Variants in OR51E2 observed in about 807,000 individuals in gnomAD.
OR51E2 encodes olfactory receptor family 51 subfamily E member 2, also known as olfactory receptor 51E2.
A neutral mutation model predicts 13.7 loss-of-function variants in OR51E2; 14 were observed. That is an observed-to-expected ratio of 1.02 (90% CI 0.68 to 1.60). OR51E2 has a LOEUF of 1.60. OR51E2 is among the 40% of genes most tolerant of loss of function. The pLI, the probability that OR51E2 is intolerant of heterozygous loss-of-function variation, is 0.00. For synonymous variants in OR51E2, 180 were observed against 157.6 expected, an observed-to-expected ratio of 1.14 and a Z score of -1.07; for missense variants, 483 against 413.8, an observed-to-expected ratio of 1.17 and a Z score of -1.45.
intron 1 of OR51E2, among the ~76,000 whole-genome samples, chr11:4,696,451 T>C (rs1847657864): frequency 6.6e-6 from 1 of 152,136 alleles, no homozygotes; most frequent in South Asian, 2.1e-4. Flanking sequence ...ACTCCTGAAA[T>C]GTAAAAGATG....
Position 4,681,866 on chromosome 11 carries a change from C to T in OR51E2, c.846G>A (p.Leu282=), listed in dbSNP as rs753571570. 6.2e-7 allele frequency: 1 copy of T among 1,614,106 alleles called. No individual in the cohort carries two copies. Reference sequence around the variant, plus strand: ...AGATGATGGGATTGATGACAGGAGGCAGCAGCAGGTAGATGTCACCCATGA... The same window carrying T: ...AGATGATGGGATTGATGACAGGAGGTAGCAGCAGGTAGATGTCACCCATGA... ...RVVMGDIYLL[L]PPVINPIIYG... The change falls in exon 2 of 2, where the codon CTG becomes CTA. Residue 282 remains leucine (L), a synonymous_variant. Transcript: ENST00000396950.
chr11:4,695,776 GT>G (rs34082897), intron 1 of OR51E2, among the ~76,000 whole-genome samples: 108,128 of 150,598 alleles, frequency 0.72, 39,248 homozygotes, highest in East Asian at 0.96. Flanking sequence ...ATTCTGTGAG[GT>G]TTTTTTTTTT....
At chr11:4,695,825 A>C (rs1399812000) in intron 1 of OR51E2, among the ~76,000 whole-genome samples, 1 of 151,874 alleles carries the variant, frequency 6.6e-6, no homozygotes, top group East Asian at 1.9e-4. Context: ...TCTGCCTTAT[A>C]AATTGTGGGA....
At chr11:4,695,363 C>G (rs1384484941) in intron 1 of OR51E2, among the ~76,000 whole-genome samples, 2 of 152,158 alleles carry the variant, frequency 1.3e-5, no homozygotes, top group Non-Finnish European at 2.9e-5. Flanking sequence ...TACTCTAACT[C>G]AACAATAAAA....
At chr11:4,689,591 T>C (rs745756436) in intron 1 of OR51E2, among the ~76,000 whole-genome samples, 18 of 152,200 alleles carry the variant, frequency 1.2e-4, no homozygotes, top group Non-Finnish European at 1.5e-5. Flanking sequence ...CATTGAAATA[T>C]ATGCTTTAAA....
chr11:4,696,170 A>C (rs943069143), intron 1 of OR51E2, among the ~76,000 whole-genome samples: 3 of 152,180 alleles, frequency 2.0e-5, no homozygotes, highest in Admixed American at 6.5e-5. Flanking sequence ...TAAAAAGTAA[A>C]TAAAATACTG....
At chr11:4,687,709 G>A (rs563720201) in intron 1 of OR51E2, among the ~76,000 whole-genome samples, 86 of 152,274 alleles carry the variant, frequency 5.6e-4, no homozygotes, top group African/African-American at 1.8e-3. Context: ...CGAGAAGTGA[G>A]CTCAGAGTTT....
intron 1 of OR51E2, among the ~76,000 whole-genome samples, chr11:4,694,346 T>C (rs1463829902): frequency 6.6e-6 from 1 of 152,000 alleles, no homozygotes; most frequent in Non-Finnish European, 1.5e-5. Context: ...CATATCTTCC[T>C]GCATCCTTCC....
intron 1 of OR51E2, 22 bp downstream of exon 1, chr11:4,697,631 T>C (rs1431918022): frequency 6.5e-6 from 1 of 152,672 alleles, no homozygotes; most frequent in Admixed American, 6.5e-5. Context: ...GCATTTTCAT[T>C]GAACAAAACA....
intron 1 of OR51E2, 72 bp from the exon 2 acceptor site, chr11:4,682,833 C>T: frequency 9.5e-7 from 1 of 1,057,118 alleles, no homozygotes; most frequent in Non-Finnish European, 1.3e-6. Flanking sequence ...CTTTTGTCTT[C>T]TCCCACCCCC....
At chr11:4,696,532 T>C (rs1378518733) in intron 1 of OR51E2, among the ~76,000 whole-genome samples, 1 of 152,192 alleles carries the variant, frequency 6.6e-6, no homozygotes, top group Non-Finnish European at 1.5e-5. Context: ...TATTATTTCA[T>C]TGCATTTTTC....
chr11:4,688,368 T>C (rs1847538762), intron 1 of OR51E2, among the ~76,000 whole-genome samples: 1 of 152,006 alleles, frequency 6.6e-6, no homozygotes, highest in African/African-American at 2.4e-5. Flanking sequence ...TTCCAGGTTG[T>C]GAGAATAGCA....
At position 4,682,602 on chromosome 11, in the gene OR51E2, G is replaced by C. The variant is rs749485950; in HGVS notation, c.110C>G (p.Ala37Gly). 3.9e-5 allele frequency: 63 copies of C among 1,614,196 alleles called. No homozygotes were observed. Among genetic ancestry groups the C allele is most frequent in the Non-Finnish European group, 5.2e-5 (61 of 1,180,046 alleles). ...GACCACGATGCAGTTTCCAAACATT[G>C]CCACTACATACATGGAAAGGAGGGG... ...GFPLLSMYVV[A>G]MFGNCIVVFI... Residue 37 changes from alanine (A) to glycine (G), a missense_variant, in exon 2 of 2, where the codon GCA becomes GGA. Coordinates refer to ENST00000396950, the MANE Select transcript of OR51E2 (RefSeq NM_030774.4).
In OR51E2 at chr11:4,682,604, C is replaced by A; in HGVS notation, c.108G>T (p.Val36=). Residue 36 remains valine (V), a synonymous_variant, in exon 2 of 2, where the codon GTG becomes GTT. Transcript: ENST00000396950. ...CCACGATGCAGTTTCCAAACATTGCCACTACATACATGGAAAGGAGGGGGA... is the reference window on the plus strand; with the variant it reads ...CCACGATGCAGTTTCCAAACATTGCAACTACATACATGGAAAGGAGGGGGA... The part of the protein sequence containing the change: ...VGFPLLSMYV[V]AMFGNCIVVF... 1.9e-6 allele frequency: 3 copies of A among 1,614,186 alleles called. No homozygotes were observed. Among genetic ancestry groups the A allele is most frequent in the Non-Finnish European group, 2.5e-6 (3 of 1,180,038 alleles).
At chr11:4,696,750 C>T (rs539450141) in intron 1 of OR51E2, among the ~76,000 whole-genome samples, 2 of 152,064 alleles carry the variant, frequency 1.3e-5, no homozygotes, top group Non-Finnish European at 2.9e-5. Flanking sequence ...TTTTTCTGCC[C>T]ACTCGGATTA....
intron 1 of OR51E2, 66 bp from the exon 2 acceptor site, chr11:4,682,827 T>G: frequency 8.7e-7 from 1 of 1,146,780 alleles, no homozygotes; most frequent in East Asian, 2.5e-5. Context: ...CCACCCCTTT[T>G]GTCTTCTCCC....
chr11:4,693,338 G>C (rs1251995827), intron 1 of OR51E2, among the ~76,000 whole-genome samples: 1 of 152,196 alleles, frequency 6.6e-6, no homozygotes, highest in African/African-American at 2.4e-5. Context: ...TTTGGAGAAG[G>C]CTTTCTAGAA....
At chr11:4,696,534 G>C (rs2133254854) in intron 1 of OR51E2, among the ~76,000 whole-genome samples, 1 of 152,182 alleles carries the variant, frequency 6.6e-6, no homozygotes, top group South Asian at 2.1e-4. Flanking sequence ...TTATTTCATT[G>C]CATTTTTCTT....
chr11:4,683,151 T>C (rs1847477177), intron 1 of OR51E2, among the ~76,000 whole-genome samples: 1 of 152,230 alleles, frequency 6.6e-6, no homozygotes, highest in Admixed American at 6.5e-5. Flanking sequence ...ACTTTCTTTC[T>C]TTCTATTATT....
Sources: gnomAD v4.1 joint callset for allele counts (sites outside exome capture counted in the v4.1 genomes callset) on GRCh38, gnomAD v4.1.1 for gene constraint, MANE v1.5 for transcripts, NCBI Gene and HGNC (gene_info 2026-07-23, HGNC 2026-07-21) for gene names.